The following CRACD variants were observed in gnomAD, a reference collection of about 807,000 sequenced individuals.
The protein encoded by CRACD is capping protein-inhibiting regulator of actin dynamics.
A neutral mutation model predicts 106.8 loss-of-function variants in CRACD; 56 were observed. The observed-to-expected ratio is 0.52, with a 90% CI of 0.42 to 0.66. CRACD has a LOEUF of 0.66. Among genes scored for constraint, CRACD ranks in the 30% least tolerant of loss-of-function variants. The pLI is 0.00. For synonymous variants in CRACD, 754 were observed against 670.8 expected, an observed-to-expected ratio of 1.12 and a Z score of -1.92; for missense variants, 1,730 against 1,623.2, an observed-to-expected ratio of 1.07 and a Z score of -1.13.
At chr4:56,277,633 T>C (rs973300630) in intron 3 of CRACD, among the ~76,000 whole-genome samples, 2 of 152,186 alleles carry the variant, frequency 1.3e-5, no homozygotes, top group Non-Finnish European at 2.9e-5. Context: ...CACTGTATTC[T>C]ACAGTACTAT....
In CRACD at chr4:56,280,488, C is replaced by G. The variant is rs151054086; in HGVS notation, c.-17+7996C>G. Among the ~76,000 whole-genome samples, 377 of 152,294 alleles carry G rather than the reference C, an allele frequency of 2.5e-3. 1 individual carries two copies. The highest frequency in any genetic ancestry group is 7.9e-3 in the African/African-American group (329 of 41,556). ...GCAAGCTTTCTTTGATTCCCTCAGC[C>G]TAGATCAGGCCCCTTCCCCTGACAT... On this transcript the variant is annotated intron_variant, in intron 3 of 10. Transcript: ENST00000682029.
chr4:56,088,465 G>C (rs1291027093), intron 1 of CRACD, among the ~76,000 whole-genome samples: 1 of 147,636 alleles, frequency 6.8e-6, no homozygotes, highest in Non-Finnish European at 1.5e-5. Flanking sequence ...CCTCCCAAGT[G>C]GGGAGGCTGG....
chr4:56,327,788 C>T lies in CRACD; in HGVS notation c.3686C>T (p.Pro1229Leu), dbSNP rs376042758. 9 of 1,614,084 alleles carry T rather than the reference C, an allele frequency of 5.6e-6. No individual in the cohort carries two copies. Among genetic ancestry groups the T allele is most frequent in the Non-Finnish European group, 7.6e-6 (9 of 1,179,986 alleles). ...KRKAKAWSDCPQIIK is the reference protein window; with the variant it reads ...KRKAKAWSDCLQIIK Reference sequence around the variant, plus strand: ...AAAGCAAAGGCTTGGAGCGACTGTCCACAGATTATTAAGTAAAGAGTGACT... The same window carrying T: ...AAAGCAAAGGCTTGGAGCGACTGTCTACAGATTATTAAGTAAAGAGTGACT... The change falls in exon 11 of 11, where the codon CCA (proline) becomes CTA (leucine). Residue 1229 changes from proline (P) to leucine (L), a missense_variant. By Grantham distance (98) the Pro-to-Leu change is moderately conservative. This residue lies in a region of CRACD where 15 missense variants were observed against 16.1 expected (regional missense o/e 0.93). Coordinates refer to ENST00000682029, the MANE Select transcript of CRACD (RefSeq NM_001393381.1).
chr4:56,156,539 G>T (rs80107656), intron 1 of CRACD, among the ~76,000 whole-genome samples: 36 of 152,308 alleles, frequency 2.4e-4, no homozygotes, highest in Non-Finnish European at 4.4e-4. Flanking sequence ...AAAGTACTTT[G>T]TGACCATTTG....
At chr4:56,207,722 T>C (rs1439061283) in intron 2 of CRACD, among the ~76,000 whole-genome samples, 1 of 145,562 alleles carries the variant, frequency 6.9e-6, no homozygotes, top group Non-Finnish European at 1.5e-5. Context: ...CTTTTGTTGA[T>C]ACATTTTTAA....
chr4:56,161,325 T>C (rs1735942768), intron 1 of CRACD, among the ~76,000 whole-genome samples: 1 of 152,218 alleles, frequency 6.6e-6, no homozygotes, highest in South Asian at 2.1e-4. Context: ...CATTCTGGTG[T>C]TTGAGGTTAA....
At chr4:56,171,620 A>C (rs965694118) in intron 1 of CRACD, among the ~76,000 whole-genome samples, 1 of 152,236 alleles carries the variant, frequency 6.6e-6, no homozygotes, top group African/African-American at 2.4e-5. Context: ...GGAGATAACA[A>C]GTATGGACAA....
chr4:56,134,245 G>A (rs1418886857), intron 1 of CRACD, among the ~76,000 whole-genome samples: 1 of 151,834 alleles, frequency 6.6e-6, no homozygotes, highest in Admixed American at 6.6e-5. Flanking sequence ...TAGACATTTT[G>A]GACAGTCAAA....
At chr4:56,263,214 C>T (rs1011677019) in intron 2 of CRACD, among the ~76,000 whole-genome samples, 5 of 152,136 alleles carry the variant, frequency 3.3e-5, no homozygotes, top group Admixed American at 6.5e-5. Context: ...ATTGTGTTTG[C>T]GGGGAGTGGT....
At chr4:56,174,509 A>T (rs1237857943) in intron 1 of CRACD, among the ~76,000 whole-genome samples, 1 of 152,198 alleles carries the variant, frequency 6.6e-6, no homozygotes, top group Non-Finnish European at 1.5e-5. Context: ...TCAATTTTTT[A>T]AATCCCACAT....
At chr4:56,229,621 G>A (rs28495312) in intron 2 of CRACD, among the ~76,000 whole-genome samples, 68,129 of 152,136 alleles carry the variant, frequency 0.45, 15,897 homozygotes, top group Non-Finnish European at 0.51. Context: ...AATAACTCAA[G>A]CACAATAAGA....
intron 2 of CRACD, among the ~76,000 whole-genome samples, chr4:56,216,710 G>A (rs544021375): frequency 6.6e-6 from 1 of 152,276 alleles, no homozygotes; most frequent in South Asian, 2.1e-4. Context: ...GCCGGGCGCG[G>A]TGGCTCACGC....
At chr4:56,176,292 T>C (rs1736580696) in intron 1 of CRACD, among the ~76,000 whole-genome samples, 1 of 152,210 alleles carries the variant, frequency 6.6e-6, no homozygotes, top group Non-Finnish European at 1.5e-5. Context: ...AATTTTAGCA[T>C]TGCATTTTCT....
chr4:56,172,531 C>T (rs189518402), intron 1 of CRACD, among the ~76,000 whole-genome samples: 140 of 152,274 alleles, frequency 9.2e-4, no homozygotes, highest in African/African-American at 3.0e-3. Context: ...GGCATGATCT[C>T]GGCTCACCGC....
In CRACD at chr4:56,296,981, G is replaced by A. The variant is rs1027651203; in HGVS notation, c.-16-1233G>A. On this transcript the variant is annotated intron_variant, in intron 3 of 10. Transcript: ENST00000682029. ...CTCACCTAGGCTGGAGTGCAGTGGC[G>A]CAATCTTGGCTCACTGCAATCCCCG... is the stretch of plus-strand genomic sequence containing the variant. 3.3e-5 allele frequency among the ~76,000 whole-genome samples: 5 copies of A among 150,138 alleles called. No homozygotes were observed. In the East Asian group the frequency reaches 5.8e-4, roughly 17 times the overall value.
At chr4:56,228,143 G>A (rs146470424) in intron 2 of CRACD, among the ~76,000 whole-genome samples, 10 of 152,090 alleles carry the variant, frequency 6.6e-5, no homozygotes, top group East Asian at 1.9e-4. Flanking sequence ...CCCTAACCCC[G>A]GTCATTTCAG....
intron 2 of CRACD, among the ~76,000 whole-genome samples, chr4:56,212,798 C>T (rs569323465): frequency 1.3e-5 from 2 of 152,258 alleles, no homozygotes; most frequent in South Asian, 4.1e-4. Context: ...CATTTACTAC[C>T]AGTTTCTGTC....
chr4:56,063,387 T>C (rs1462121744), intron 1 of CRACD, among the ~76,000 whole-genome samples: 1 of 152,130 alleles, frequency 6.6e-6, no homozygotes, highest in South Asian at 2.1e-4. Context: ...GTAAAATATA[T>C]ATAACAAAAA....
At chr4:56,110,262 G>T (rs538628743) in intron 1 of CRACD, among the ~76,000 whole-genome samples, 35 of 152,290 alleles carry the variant, frequency 2.3e-4, no homozygotes, top group African/African-American at 8.2e-4. Context: ...CGAAAATTCT[G>T]TCTTTAGGCA....
Sources: gnomAD v4.1 joint callset for allele counts (sites outside exome capture counted in the v4.1 genomes callset) on GRCh38, gnomAD v4.1.1 for gene constraint, gnomAD v4.1.1 regional missense constraint, MANE v1.5 for transcripts, NCBI Gene and HGNC (gene_info 2026-07-23, HGNC 2026-07-21) for gene names.